EXOC2: variants seen among roughly 807,000 people sequenced by gnomAD.
The protein encoded by EXOC2 is exocyst complex component 2.
In EXOC2, 70 loss-of-function variants were observed where a neutral mutation model predicts 131.8. The ratio of observed to expected loss-of-function variants is 0.53; its 90% CI spans 0.44 to 0.65. The LOEUF (loss-of-function observed/expected upper bound fraction) is 0.65. EXOC2 is among the 30% of genes least tolerant of loss of function. The probability of loss-of-function intolerance (pLI) is 0.00; values close to 1 mark genes in which losing one functional copy is unlikely to be tolerated. For synonymous variants in EXOC2, 411 were observed against 398.4 expected, an observed-to-expected ratio of 1.03 and a Z score of -0.38; for missense variants, 923 against 1,108.6, an observed-to-expected ratio of 0.83 and a Z score of 2.38.
At chr6:688,596 A>G (rs1448049544) in intron 1 of EXOC2, among the ~76,000 whole-genome samples, 3 of 152,212 alleles carry the variant, frequency 2.0e-5, no homozygotes, top group African/African-American at 7.2e-5. Flanking sequence ...ACCAGTTCCA[A>G]CACTGAGGCA....
intron 23 of EXOC2, among the ~76,000 whole-genome samples, chr6:515,273 G>A (rs961315264): frequency 6.6e-6 from 1 of 152,048 alleles, no homozygotes; most frequent in Middle Eastern, 3.2e-3. Context: ...AAACAAACAC[G>A]CAAACAAAAC....
chr6:577,961 A>C (rs1258832066), intron 11 of EXOC2, among the ~76,000 whole-genome samples: 1 of 152,200 alleles, frequency 6.6e-6, no homozygotes, highest in Non-Finnish European at 1.5e-5. Flanking sequence ...GAGAATGTAT[A>C]TAATTTATGT....
intron 1 of EXOC2, among the ~76,000 whole-genome samples, chr6:675,167 C>T (rs1171269534): frequency 6.6e-6 from 1 of 152,172 alleles, no homozygotes; most frequent in Non-Finnish European, 1.5e-5. Flanking sequence ...ACAATCTTAT[C>T]CTGCTTGTTG....
At chr6:596,104 G>C (rs1337028947) in intron 10 of EXOC2, among the ~76,000 whole-genome samples, 1 of 151,960 alleles carries the variant, frequency 6.6e-6, no homozygotes, top group Non-Finnish European at 1.5e-5. Flanking sequence ...ATCAGGATTA[G>C]AGAGGACATG....
chr6:644,441 T>C (rs936667252), intron 1 of EXOC2, among the ~76,000 whole-genome samples: 3 of 152,074 alleles, frequency 2.0e-5, no homozygotes, highest in African/African-American at 7.2e-5. Context: ...TTTCGAACAG[T>C]AACATAGAAA....
At chr6:593,609 T>C (rs1180167799) in intron 10 of EXOC2, among the ~76,000 whole-genome samples, 1 of 152,230 alleles carries the variant, frequency 6.6e-6, no homozygotes, top group East Asian at 1.9e-4. Flanking sequence ...CCTCACAAAA[T>C]ATATAAATAT....
intron 25 of EXOC2, among the ~76,000 whole-genome samples, chr6:492,143 T>G (rs1259288747): frequency 1.3e-5 from 2 of 152,220 alleles, no homozygotes; most frequent in African/African-American, 4.8e-5. Context: ...TAAAGTGGAC[T>G]TCACCAAAAT....
chr6:621,129 C>T (rs1404285114), intron 4 of EXOC2, among the ~76,000 whole-genome samples: 1 of 152,210 alleles, frequency 6.6e-6, no homozygotes, highest in African/African-American at 2.4e-5. Context: ...TGGCCTGGAG[C>T]CCACTCTCTC....
chr6:521,034 CGCCG>C (rs1765420935), intron 23 of EXOC2, among the ~76,000 whole-genome samples: 1 of 144,014 alleles, frequency 6.9e-6, no homozygotes, highest in Non-Finnish European at 1.5e-5. Flanking sequence ...GCCCACCGAG[CGCCG>C]ACACTCGCCG....
rs186851976 is a variant in EXOC2, at chr6:523,914, T to C, written c.2380+8555A>G. On this transcript the variant is annotated intron_variant, in intron 23 of 27. Transcript: ENST00000230449. ...CTGAATTGATAACGTGAATACAATG[T>C]TATTATTTGAAGGTGATGTTTGGGG... Among the ~76,000 whole-genome samples, 15 of 152,294 alleles carry C rather than the reference T, an allele frequency of 9.8e-5. No individual in the cohort carries two copies. The East Asian group carries it at 2.9e-3, about 29-fold the overall frequency.
At chr6:589,774 G>A (rs959730415) in intron 11 of EXOC2, among the ~76,000 whole-genome samples, 3 of 152,204 alleles carry the variant, frequency 2.0e-5, no homozygotes, top group African/African-American at 7.2e-5. Flanking sequence ...TGCTTGGCAC[G>A]GAGGGAAGGG....
intron 1 of EXOC2, among the ~76,000 whole-genome samples, chr6:690,154 A>G (rs568826210): frequency 5.8e-4 from 88 of 152,292 alleles, no homozygotes; most frequent in African/African-American, 1.9e-3. Flanking sequence ...CAGGAGTTCA[A>G]GACCAGCCTG....
intron 1 of EXOC2, chr6:656,303 A>G (rs2127748206): frequency 6.2e-7 from 1 of 1,614,216 alleles, no homozygotes; most frequent in Non-Finnish European, 8.5e-7. Flanking sequence ...GCACACCCAC[A>G]GCCGACTGGG....
chr6:513,232 G>A (rs1224621503), intron 23 of EXOC2, among the ~76,000 whole-genome samples: 1 of 152,214 alleles, frequency 6.6e-6, no homozygotes, highest in African/African-American at 2.4e-5. Flanking sequence ...GCCAGACCAC[G>A]TGCCGTACCA....
At chr6:567,584 C>T (rs1460631614) in intron 13 of EXOC2, among the ~76,000 whole-genome samples, 1 of 152,090 alleles carries the variant, frequency 6.6e-6, no homozygotes, top group Non-Finnish European at 1.5e-5. Context: ...ATGTGTATGT[C>T]TACATACTGA....
chr6:500,465 G>C (rs1763981728), intron 23 of EXOC2, among the ~76,000 whole-genome samples: 1 of 152,188 alleles, frequency 6.6e-6, no homozygotes, highest in Non-Finnish European at 1.5e-5. Context: ...TGTGACTTTT[G>C]GCAAGAAGGC....
intron 24 of EXOC2, among the ~76,000 whole-genome samples, 173 bp downstream of exon 24, chr6:499,472 C>CACACACACAG (rs1554116818): frequency 6.8e-6 from 1 of 146,818 alleles, no homozygotes; most frequent in Non-Finnish European, 1.5e-5. Context: ...CACACACACA[C>CACACACACAG]AGAGACAGAG....
chr6:572,464 A>C, intron 13 of EXOC2, 56 bp downstream of exon 13: 1 of 1,545,964 alleles, frequency 6.5e-7, no homozygotes, highest in Non-Finnish European at 8.7e-7. Flanking sequence ...TAACATTTTA[A>C]AGACCAGAAA....
At chr6:585,472 C>A (rs1481572371) in intron 11 of EXOC2, among the ~76,000 whole-genome samples, 1 of 152,180 alleles carries the variant, frequency 6.6e-6, no homozygotes, top group South Asian at 2.1e-4. Flanking sequence ...GGATCTAATG[C>A]AGGACTCATA....
Sources: allele counts gnomAD v4.1 joint callset (sites outside exome capture counted in the v4.1 genomes callset), GRCh38; gene constraint gnomAD v4.1.1; transcripts MANE v1.5; gene names NCBI Gene and HGNC (gene_info 2026-07-23, HGNC 2026-07-21).